The following PARP16 variants were observed in gnomAD, a reference collection of about 807,000 sequenced individuals.
PARP16 encodes protein mono-ADP-ribosyltransferase PARP16.
PARP16 carries 31 observed loss-of-function variants against 35.0 expected under a neutral mutation model. The ratio of observed to expected loss-of-function variants is 0.88; its 90% CI spans 0.66 to 1.19. PARP16 has a LOEUF of 1.19. Among genes scored for constraint, PARP16 ranks in the 50% most tolerant of loss-of-function variants. The pLI is 0.00. For missense variants in PARP16, 424 were observed against 411.2 expected (o/e 1.03, Z -0.27); for synonymous variants, 162 against 169.5 (o/e 0.96, Z 0.34).
chr15:65,250,597 G>C (rs1486002716), intron 2 of PARP16, among the ~76,000 whole-genome samples: 1 of 152,144 alleles, frequency 6.6e-6, no homozygotes, highest in Non-Finnish European at 1.5e-5. Flanking sequence ...CATCATGCAG[G>C]AGGCACTTGA....
downstream of PARP16, among the ~76,000 whole-genome samples, chr15:65,232,122 C>T (rs2088784779): frequency 1.3e-5 from 2 of 152,218 alleles, no homozygotes; most frequent in South Asian, 2.1e-4. Context: ...GGCATGGTGG[C>T]TCAACACTGG....
At chr15:65,271,989 G>T (rs2090110745) in intron 1 of PARP16, among the ~76,000 whole-genome samples, 1 of 152,224 alleles carries the variant, frequency 6.6e-6, no homozygotes, top group Admixed American at 6.5e-5. Flanking sequence ...ACAATGTTTT[G>T]TTGGAACACT....
At chr15:65,279,193 G>C (rs2140960597) in intron 1 of PARP16, among the ~76,000 whole-genome samples, 1 of 148,628 alleles carries the variant, frequency 6.7e-6, no homozygotes. Context: ...TTAGCTGATG[G>C]TGATGAAGAT....
chr15:65,237,519 T>C (rs2088917945), intron 3 of PARP16, among the ~76,000 whole-genome samples: 1 of 152,126 alleles, frequency 6.6e-6, no homozygotes. Flanking sequence ...TAGGGTCTTA[T>C]AAGGAGTGAG....
At chr15:65,248,325 A>G (rs1455201731) in intron 2 of PARP16, 1 of 455,550 alleles carries the variant, frequency 2.2e-6, no homozygotes, top group Non-Finnish European at 4.4e-6. Context: ...CTTCTGCACA[A>G]ATAGGCATAT....
At chr15:65,280,994 A>C (rs980174845) in intron 1 of PARP16, among the ~76,000 whole-genome samples, 4 of 152,186 alleles carry the variant, frequency 2.6e-5, no homozygotes, top group African/African-American at 9.6e-5. Flanking sequence ...CTGCTTTTCT[A>C]ATGAGCACCC....
exon 3 of PARP16, chr15:65,248,150 C>A: frequency 2.2e-6 from 1 of 456,422 alleles, no homozygotes; most frequent in Non-Finnish European, 4.4e-6. Context: ...TCCATGAGGC[C>A]CTTGTCCTGG....
At chr15:65,280,888 TA>T (rs2090403150) in intron 1 of PARP16, among the ~76,000 whole-genome samples, 1 of 152,156 alleles carries the variant, frequency 6.6e-6, no homozygotes, top group Non-Finnish European at 1.5e-5. Context: ...GAGAACAGGG[TA>T]AGCTTCATGC....
chr15:65,273,825 A>G (rs2090164980), intron 1 of PARP16, among the ~76,000 whole-genome samples: 1 of 151,814 alleles, frequency 6.6e-6, no homozygotes. Flanking sequence ...GCAGTGAGCC[A>G]AGATCATGCC....
chr15:65,252,309 T>C (rs780179453), intron 2 of PARP16, among the ~76,000 whole-genome samples: 37 of 152,324 alleles, frequency 2.4e-4, no homozygotes, highest in East Asian at 1.2e-3. Flanking sequence ...AGGAAATCGA[T>C]GGCCAAAGAA....
intron 1 of PARP16, among the ~76,000 whole-genome samples, chr15:65,278,121 C>A (rs2090311741): frequency 6.6e-6 from 1 of 152,150 alleles, no homozygotes; most frequent in Non-Finnish European, 1.5e-5. Flanking sequence ...TCCTCCTGGG[C>A]TCAAATGTCC....
chr15:65,238,399 C>T (rs1001436420), intron 3 of PARP16, among the ~76,000 whole-genome samples: 5 of 152,222 alleles, frequency 3.3e-5, no homozygotes, highest in African/African-American at 4.8e-5. Context: ...TCTTGTTCCA[C>T]GCTCACCACC....
intron 2 of PARP16, 72 bp downstream of exon 2, chr15:65,270,863 G>T: frequency 6.8e-7 from 1 of 1,461,708 alleles, no homozygotes; most frequent in Non-Finnish European, 9.5e-7. Flanking sequence ...AAGTCTCAGA[G>T]CCACTGGATT....
At chr15:65,282,559 T>C (rs926324867) in intron 1 of PARP16, 1 of 152,258 alleles carries the variant, frequency 6.6e-6, no homozygotes, top group Non-Finnish European at 1.5e-5. Context: ...GTGAGCAGTC[T>C]TGCTGCTGAC....
chr15:65,255,006 C>T (rs1210768146), downstream of PARP16, among the ~76,000 whole-genome samples: 1 of 152,190 alleles, frequency 6.6e-6, no homozygotes, highest in Admixed American at 6.5e-5. Context: ...GAGGTCCCCC[C>T]TTACAATGGC....
At chr15:65,257,692 G>C (rs2089558571), downstream of PARP16, among the ~76,000 whole-genome samples, 1 of 151,036 alleles carries the variant, frequency 6.6e-6, no homozygotes, top group African/African-American at 2.4e-5. Flanking sequence ...AGTATAGTAA[G>C]GTGCCTTGCA....
chr15:65,232,912 AAAACAAAC>A (rs137908633), downstream of PARP16, among the ~76,000 whole-genome samples: 60 of 151,830 alleles, frequency 4.0e-4, no homozygotes, highest in African/African-American at 1.4e-3. Context: ...AAAACAAAAC[AAAACAAAC>A]AAAAAAAACA....
At chr15:65,265,069 C>T (rs896557261) in intron 3 of PARP16, among the ~76,000 whole-genome samples, 3 of 152,162 alleles carry the variant, frequency 2.0e-5, no homozygotes, top group South Asian at 2.1e-4. Flanking sequence ...TAAACAAGCC[C>T]GTCATCCTTA....
In PARP16 at chr15:65,266,640, T is replaced by C. The variant is rs1476190508; in HGVS notation, c.441A>G (p.Leu147=). ...KFYETKGERD[L]IYAFHGSRLE... is the part of the protein sequence containing the mutation. ...GGCGGCTACCATGAAATGCATAGAT[T>C]AGGTCTCGTTCTCCTTTGGTCTCAT... is the stretch of plus-strand genomic sequence containing the variant. Residue 147 remains leucine, a synonymous_variant, in exon 3 of 6, where the codon CTA becomes CTG. Coordinates refer to ENST00000649807, the MANE Select transcript of PARP16 (RefSeq NM_001316943.2). 2 of 1,614,112 alleles carry C rather than the reference T, an allele frequency of 1.2e-6. No individual in the cohort carries two copies. The highest frequency in any genetic ancestry group is 1.7e-6 in the Non-Finnish European group (2 of 1,179,994).
Sources: gnomAD v4.1 joint callset for allele counts (sites outside exome capture counted in the v4.1 genomes callset) on GRCh38, gnomAD v4.1.1 for gene constraint, MANE v1.5 for transcripts, NCBI Gene and HGNC (gene_info 2026-07-23, HGNC 2026-07-21) for gene names.